The following MPDZ variants were observed in gnomAD, a reference collection of about 807,000 sequenced individuals.
MPDZ encodes the protein multiple PDZ domain protein.
A neutral mutation model predicts 239.1 loss-of-function variants in MPDZ; 234 were observed. The observed-to-expected ratio is 0.98, with a 90% CI of 0.88 to 1.09. The LOEUF (loss-of-function observed/expected upper bound fraction) is 1.09, where lower values mean the gene tolerates loss of function less well. Ranked by LOEUF, MPDZ falls within the 50% of genes least tolerant of loss-of-function variation. The pLI, the probability that MPDZ is intolerant of heterozygous loss-of-function variation, is 0.00. For missense variants in MPDZ, 3,175 were observed against 2,510.0 expected, an observed-to-expected ratio of 1.26 and a Z score of -5.66; for synonymous variants, 1,048 against 881.3, an observed-to-expected ratio of 1.19 and a Z score of -3.35.
chr9:13,128,971 G>C (rs1181939098), intron 32 of MPDZ, among the ~76,000 whole-genome samples: 2 of 152,158 alleles, frequency 1.3e-5, no homozygotes, highest in African/African-American at 4.8e-5. Flanking sequence ...ACCCTTGAAG[G>C]TTGCTGACCT....
At chr9:13,223,937 G>C (rs982588019) in intron 4 of MPDZ, among the ~76,000 whole-genome samples, 1 of 151,922 alleles carries the variant, frequency 6.6e-6, no homozygotes, top group African/African-American at 2.4e-5. Context: ...AGGAGACTGA[G>C]GCAGGAGAAT....
rs531029039 is a variant in MPDZ at position 13,188,388 on chromosome 9, G to C, written c.2364+396C>G. On this transcript the variant is annotated intron_variant, in intron 17 of 46. Transcript: ENST00000319217. ...CAAAAATTAGCCAGGCATGGTCGTG[G>C]CTGTAGTCCCAGCAACTCAGGAGGT... is the stretch of plus-strand genomic sequence containing the variant. Among the ~76,000 whole-genome samples, 7 of 151,968 alleles carry C rather than the reference G, an allele frequency of 4.6e-5. 1 individual carries two copies. The South Asian group carries it at 8.3e-4, about 18-fold the overall frequency.
intron 3 of MPDZ, among the ~76,000 whole-genome samples, chr9:13,242,498 T>C (rs1965664551): frequency 6.6e-6 from 1 of 151,972 alleles, no homozygotes; most frequent in African/African-American, 2.4e-5. Context: ...GCATCCAGCC[T>C]GTTAGGATGA....
At chr9:13,153,003 C>A (rs764226699) in intron 24 of MPDZ, among the ~76,000 whole-genome samples, 10 of 152,102 alleles carry the variant, frequency 6.6e-5, no homozygotes, top group Non-Finnish European at 1.0e-4. Flanking sequence ...TGAGACCCTG[C>A]AATCTGCTCC....
At chr9:13,231,562 T>A (rs1213481504) in intron 3 of MPDZ, among the ~76,000 whole-genome samples, 5 of 151,956 alleles carry the variant, frequency 3.3e-5, no homozygotes, top group East Asian at 1.9e-4. Context: ...TTTAAAAAAA[T>A]AATAATAATA....
intron 4 of MPDZ, among the ~76,000 whole-genome samples, chr9:13,224,068 G>T (rs1959732516): frequency 6.6e-6 from 1 of 151,450 alleles, no homozygotes; most frequent in Admixed American, 6.6e-5. Context: ...TGCAGTAACA[G>T]TCATCTTATC....
rs544091062 is a variant in MPDZ at position 13,106,188 on chromosome 9, T to C, written c.*777A>G. 1.3e-4 allele frequency: 20 copies of C among 152,282 alleles called. No homozygotes were observed. The highest frequency in any genetic ancestry group is 3.4e-4 in the African/African-American group (14 of 41,558). 9.4% of individuals were successfully genotyped at this position (152,282 alleles called of 1,614,324 possible). A position where few individuals can be genotyped will look rare whatever the true frequency, so the allele number is the denominator to read the frequency against. ...CTCTATGGTTAGCAGCATAGTTGCTTTCTAGAAAAACCATAGTCAACATGG... is the reference window on the plus strand; with the variant it reads ...CTCTATGGTTAGCAGCATAGTTGCTCTCTAGAAAAACCATAGTCAACATGG... On this transcript the variant is annotated 3_prime_UTR_variant, in exon 47 of 47. Coordinates refer to ENST00000319217, the MANE Select transcript of MPDZ (RefSeq NM_001378778.1).
At chr9:13,194,301 G>C (rs1291054252) in intron 13 of MPDZ, among the ~76,000 whole-genome samples, 4 of 151,734 alleles carry the variant, frequency 2.6e-5, no homozygotes, top group African/African-American at 7.3e-5. Flanking sequence ...TGAGCACAAA[G>C]GGCAGTTAAA....
At chr9:13,126,083 T>C (rs1052882432) in intron 34 of MPDZ, among the ~76,000 whole-genome samples, 4 of 152,192 alleles carry the variant, frequency 2.6e-5, no homozygotes, top group Non-Finnish European at 5.9e-5. Flanking sequence ...AGATCTCTTT[T>C]GAGGAGAGGG....
At position 13,113,013 on chromosome 9, in the gene MPDZ, T is replaced by C. The variant is rs1409904327; in HGVS notation, c.5599A>G (p.Lys1867Glu). 6.3e-7 allele frequency: 1 copy of C among 1,584,330 alleles called. No homozygotes were observed. Among genetic ancestry groups the C allele is most frequent in the South Asian group, 1.2e-5 (1 of 86,944 alleles). ...IQGLRTVEMKKGPTDSLGISI... is the reference protein window; with the variant it reads ...IQGLRTVEMKEGPTDSLGISI... ...ATTGTTTTCTCTCCCCAAGTTACCTTTTTCATTTCGACTGTTCTTAATCCC... is the reference window on the plus strand; with the variant it reads ...ATTGTTTTCTCTCCCCAAGTTACCTCTTTCATTTCGACTGTTCTTAATCCC... Residue 1867 changes from lysine to glutamate, a missense_variant and splice_region_variant, in exon 42 of 47, where the codon AAG (lysine) becomes GAG (glutamate). Physicochemically the swap from Lys to Glu is moderately conservative, Grantham distance 56 (BLOSUM62 1). Transcript: ENST00000319217.
intron 1 of MPDZ, among the ~76,000 whole-genome samples, chr9:13,260,026 G>C (rs1269673844): frequency 6.6e-6 from 1 of 151,278 alleles, no homozygotes; most frequent in South Asian, 2.1e-4. Flanking sequence ...AATTTTAGTA[G>C]AGACACAGTT....
chr9:13,196,378 T>C, intron 12 of MPDZ, 148 bp from the exon 13 acceptor site: 1 of 487,678 alleles, frequency 2.1e-6, no homozygotes, highest in Non-Finnish European at 3.6e-6. Flanking sequence ...TCCATAATTA[T>C]TTAAATACTT....
At chr9:13,275,971 C>T (rs994058627) in intron 1 of MPDZ, among the ~76,000 whole-genome samples, 2 of 152,262 alleles carry the variant, frequency 1.3e-5, no homozygotes, top group East Asian at 3.9e-4. Context: ...AAGACCAAAG[C>T]CTTTCTGTGT....
intron 12 of MPDZ, among the ~76,000 whole-genome samples, chr9:13,197,468 T>G (rs1955792980): frequency 6.6e-6 from 1 of 152,138 alleles, no homozygotes; most frequent in South Asian, 2.1e-4. Flanking sequence ...TATTCTCTTT[T>G]TAAAATATTT....
chr9:13,190,294 G>A lies in MPDZ; in HGVS notation c.1974C>T (p.His658=), dbSNP rs527271402. 3.8e-5 allele frequency: 60 copies of A among 1,570,912 alleles called. No individual in the cohort carries two copies. In the South Asian group the frequency reaches 7.0e-4, roughly 18 times the overall value. The change falls in exon 16 of 47, where the codon CAC becomes CAT. Residue 658 remains histidine, a synonymous_variant. Coordinates refer to ENST00000319217, the MANE Select transcript of MPDZ (RefSeq NM_001378778.1). ...LCDIELTEKP[H]VDLGEFIGSS... Reference sequence around the variant, plus strand: ...ACCCGATGAACTCACCTAGATCTACGTGAGGCTGGATAATATCAGACAGCT... The same window carrying A: ...ACCCGATGAACTCACCTAGATCTACATGAGGCTGGATAATATCAGACAGCT...
intron 44 of MPDZ, 95 bp downstream of exon 44, chr9:13,110,541 G>T: frequency 1.2e-6 from 1 of 815,596 alleles, no homozygotes; most frequent in Non-Finnish European, 2.0e-6. Flanking sequence ...TAAAATAATA[G>T]CAGAAGATTT....
At position 13,147,547 on chromosome 9, in the gene MPDZ, C is replaced by CAAA. The variant is rs1232110380; in HGVS notation, c.3741_3741+1insTTT (p.Arg1247_Lys1248insPhe). 16 of 1,609,992 alleles carry CAAA rather than the reference C, an allele frequency of 9.9e-6. No homozygotes were observed. The highest frequency in any genetic ancestry group is 1.4e-5 in the Non-Finnish European group (16 of 1,176,766). ...CTACCTTGCCCTTTGTGTTCGCTTA[C>CAAA]CCTTGGTCTGTTTATAATGCTCTGT... On this transcript the variant is annotated inframe_insertion and splice_region_variant. Coordinates refer to ENST00000319217, the MANE Select transcript of MPDZ (RefSeq NM_001378778.1).
intron 23 of MPDZ, among the ~76,000 whole-genome samples, chr9:13,159,655 G>A (rs1950233119): frequency 6.6e-6 from 1 of 152,072 alleles, no homozygotes; most frequent in Admixed American, 6.6e-5. Flanking sequence ...TAGCCCTAAA[G>A]CCTAAGCAGT....
At chr9:13,128,598 G>T (rs1175587379) in intron 32 of MPDZ, among the ~76,000 whole-genome samples, 1 of 152,178 alleles carries the variant, frequency 6.6e-6, no homozygotes, top group Admixed American at 6.5e-5. Context: ...GTGAAGTTTG[G>T]TGGTAATTTG....
Sources: gnomAD v4.1 joint callset for allele counts (sites outside exome capture counted in the v4.1 genomes callset) on GRCh38, gnomAD v4.1.1 for gene constraint, MANE v1.5 for transcripts, NCBI Gene and HGNC (gene_info 2026-07-23, HGNC 2026-07-21) for gene names.